Variants in RP1 observed in about 807,000 individuals in gnomAD.
RP1 encodes the protein RP1 axonemal microtubule associated.
RP1 carries 16 observed loss-of-function variants against 14.8 expected under a neutral mutation model. That is an observed-to-expected ratio of 1.08 (90% confidence interval 0.73 to 1.65). The LOEUF (loss-of-function observed/expected upper bound fraction) is 1.65. RP1 is among the 40% of genes most tolerant of loss of function. The pLI, the probability that RP1 is intolerant of heterozygous loss-of-function variation, is 0.00. For synonymous variants in RP1, 876 were observed against 883.6 expected (o/e 0.99, Z 0.15); for missense variants, 2,631 against 2,535.0 (o/e 1.04, Z -0.81).
chr8:54,660,945 C>T (rs573124209), intron 6 of RP1, among the ~76,000 whole-genome samples: 106 of 151,792 alleles, frequency 7.0e-4, no homozygotes, highest in African/African-American at 2.3e-3. Flanking sequence ...GATCCCCCTC[C>T]GCTTGTTTTC....
Position 54,704,557 on chromosome 8 carries a change from G to A in RP1, c.1999-1886G>A, listed in dbSNP as rs568248736. Among the ~76,000 whole-genome samples, 31 of 152,312 alleles carry A rather than the reference G, an allele frequency of 2.0e-4. No individual in the cohort carries two copies. The South Asian group carries it at 6.4e-3, about 32-fold the overall frequency. Reference sequence around the variant, plus strand: ...CCAAAATGTGGCACAGAGACATGAAGTGAACACATGCTGTTGGAAAAATAG... The same window carrying A: ...CCAAAATGTGGCACAGAGACATGAAATGAACACATGCTGTTGGAAAAATAG... On this transcript the variant is annotated intron_variant, in intron 14 of 22. Coordinates refer to the RP1 transcript ENST00000636932.
intron 3 of RP1, among the ~76,000 whole-genome samples, chr8:54,640,673 G>T (rs1333882261): frequency 1.3e-5 from 2 of 152,092 alleles, no homozygotes; most frequent in Non-Finnish European, 2.9e-5. Context: ...TACACACAAT[G>T]ACCCTGCCCA....
In RP1 at chr8:54,630,241, G is replaced by T. The variant is rs1231317599; in HGVS notation, c.6359G>T (p.Arg2120Ile). 25 of 1,613,476 alleles carry T rather than the reference G, an allele frequency of 1.5e-5. No individual in the cohort carries two copies. Among genetic ancestry groups the T allele is most frequent in the Non-Finnish European group, 1.9e-5 (23 of 1,179,864 alleles). The change falls in exon 4 of 4, where the codon AGA (arginine) becomes ATA (isoleucine). Residue 2120 changes from arginine (R) to isoleucine (I), a missense_variant. By Grantham distance (97) the Arg-to-Ile change is moderately conservative. Transcript: ENST00000220676. ...GAGACCTCCTTAAATATTAGCAACAGAAATATTTTAGAACTTTGTATGTTT... is the reference window on the plus strand; with the variant it reads ...GAGACCTCCTTAAATATTAGCAACATAAATATTTTAGAACTTTGTATGTTT... The part of the protein sequence containing the change: ...QVETSLNISN[R>I]NILELCMFEG...
intron 19 of RP1, among the ~76,000 whole-genome samples, chr8:54,752,685 C>A: frequency 6.6e-6 from 1 of 152,142 alleles, no homozygotes; most frequent in East Asian, 1.9e-4. Flanking sequence ...ACGCTCATAC[C>A]CACACACTTG....
chr8:54,759,181 T>C, intron 22 of RP1: 29 of 1,189,704 alleles, frequency 2.4e-5, no homozygotes, highest in Non-Finnish European at 3.1e-5. Context: ...TGTGTATCTT[T>C]TAGGTCACGG....
intron 1 of RP1, among the ~76,000 whole-genome samples, chr8:54,582,061 A>C (rs1290436608): frequency 6.6e-6 from 1 of 152,120 alleles, no homozygotes; most frequent in African/African-American, 2.4e-5. Context: ...GATGTTTTAG[A>C]CATGAAGTGC....
intron 1 of RP1, among the ~76,000 whole-genome samples, chr8:54,584,523 G>A (rs1804871915): frequency 6.6e-6 from 1 of 152,160 alleles, no homozygotes; most frequent in South Asian, 2.1e-4. Context: ...AGGTCCGCTT[G>A]GTGCAGAGCT....
intron 19 of RP1, among the ~76,000 whole-genome samples, chr8:54,740,094 C>T (rs1355938156): frequency 2.0e-5 from 3 of 147,982 alleles, no homozygotes; most frequent in Non-Finnish European, 4.5e-5. Flanking sequence ...ACATATAATG[C>T]CATATACTTT....
chr8:54,734,590 A>G, exon 18 of RP1: 2 of 1,535,612 alleles, frequency 1.3e-6, no homozygotes, highest in Non-Finnish European at 1.7e-6. Context: ...CTGTCAGAAG[A>G]TGAATGGAAG....
chr8:54,632,683 A>T (rs887977567), downstream of RP1, among the ~76,000 whole-genome samples: 1 of 152,078 alleles, frequency 6.6e-6, no homozygotes, highest in Non-Finnish European at 1.5e-5. Flanking sequence ...TAGTTTTTTT[A>T]TATTTTACGA....
chr8:54,857,160 T>C (rs940443655), intron 27 of RP1: 22 of 706,656 alleles, frequency 3.1e-5, no homozygotes, highest in Admixed American at 4.4e-5. Flanking sequence ...TGAAAAATCG[T>C]ATAAGAAGCA....
At chr8:54,837,580 C>T in exon 25 of RP1, 1 of 1,231,872 alleles carries the variant, frequency 8.1e-7, no homozygotes, top group Non-Finnish European at 1.0e-6. Flanking sequence ...TTTTGTTTAC[C>T]TGTTGATTCC....
At chr8:54,694,810 T>G (rs1807815578) in intron 12 of RP1, among the ~76,000 whole-genome samples, 1 of 152,220 alleles carries the variant, frequency 6.6e-6, no homozygotes, top group Non-Finnish European at 1.5e-5. Flanking sequence ...TTTTTGTGTT[T>G]CTATTTCCTT....
rs961093971 is a variant in RP1, at chr8:54,624,997, G to A, written c.1115G>A (p.Arg372Lys). 1.7e-5 allele frequency: 28 copies of A among 1,614,082 alleles called. No individual in the cohort carries two copies. The highest frequency in any genetic ancestry group is 2.3e-5 in the Non-Finnish European group (27 of 1,180,038). ...DEKSEMSFPG[R>K]TESRSSGLKL... Reference sequence around the variant, plus strand: ...AAGAGTGAGATGAGTTTTCCAGGAAGAACAGAAAGTCGATCATCTGGTTTA... The same window carrying A: ...AAGAGTGAGATGAGTTTTCCAGGAAAAACAGAAAGTCGATCATCTGGTTTA... The change falls in exon 4 of 4, where the codon AGA (arginine) becomes AAA (lysine). Residue 372 changes from arginine (R) to lysine (K), a missense_variant. By Grantham distance (26) the Arg-to-Lys change is conservative. Coordinates refer to ENST00000220676, the MANE Select transcript of RP1 (RefSeq NM_006269.2).
chr8:54,803,299 C>T (rs1490902935), intron 24 of RP1, among the ~76,000 whole-genome samples: 2 of 152,076 alleles, frequency 1.3e-5, no homozygotes, highest in African/African-American at 2.4e-5. Context: ...GAGAGAGACA[C>T]GTAGACAGAA....
At chr8:54,702,718 T>A (rs1808055479) in intron 14 of RP1, among the ~76,000 whole-genome samples, 2 of 152,208 alleles carry the variant, frequency 1.3e-5, no homozygotes, top group Admixed American at 6.5e-5. Flanking sequence ...TGCAATGTTG[T>A]TTGATAGCAT....
intron 28 of RP1, among the ~76,000 whole-genome samples, chr8:54,867,087 G>A (rs1375513678): frequency 1.3e-5 from 2 of 152,186 alleles, no homozygotes; most frequent in African/African-American, 4.8e-5. Flanking sequence ...CATGAAGCTG[G>A]AGAGCTGAGT....
intron 28 of RP1, chr8:54,865,985 C>A (rs991100113): frequency 6.5e-6 from 4 of 615,112 alleles, no homozygotes; most frequent in Non-Finnish European, 9.4e-6. Context: ...CTGTGTCCTC[C>A]AGCATGCCTC....
chr8:54,673,710 A>G, intron 7 of RP1: 1 of 684,964 alleles, frequency 1.5e-6, no homozygotes, highest in Non-Finnish European at 2.4e-6. Flanking sequence ...ATTGCACTCC[A>G]GCCTGGGTGA....
Sources: gnomAD v4.1 joint callset for allele counts (sites outside exome capture counted in the v4.1 genomes callset) on GRCh38, gnomAD v4.1.1 for gene constraint, MANE v1.5 for transcripts, NCBI Gene and HGNC (gene_info 2026-07-23, HGNC 2026-07-21) for gene names.